FRMPD1: variants seen among roughly 807,000 people sequenced by gnomAD.
The protein encoded by FRMPD1 is FERM and PDZ domain-containing protein 1.
FRMPD1 carries 76 observed loss-of-function variants against 117.8 expected under a neutral mutation model. The ratio of observed to expected loss-of-function variants is 0.65; its 90% CI spans 0.54 to 0.78. The LOEUF (loss-of-function observed/expected upper bound fraction) is 0.78, where lower values mean the gene tolerates loss of function less well. Ranked by LOEUF, FRMPD1 falls within the 30% of genes least tolerant of loss-of-function variation. The probability of loss-of-function intolerance (pLI) is 0.00; values close to 1 mark genes in which losing one functional copy is unlikely to be tolerated. For synonymous variants in FRMPD1, 783 were observed against 770.4 expected (o/e 1.02, Z -0.27); for missense variants, 1,786 against 1,964.5 (o/e 0.91, Z 1.72).
the FRMPD1 span, among the ~76,000 whole-genome samples, chr9:37,610,384 C>T: frequency 6.6e-6 from 1 of 152,108 alleles, no homozygotes; most frequent in African/African-American, 2.4e-5. Context: ...TGTTGAATAA[C>T]TGAATAAATG....
rs762447717 is a variant in FRMPD1 at position 37,737,223 on chromosome 9, A to G, written c.1529A>G (p.His510Arg). ...TGGCCTGGAAACAAACAACAAGCGC[A>G]CCGGGTATCTGCAGAAGAAGGTGAG... ...FLWPGNKQQAHRVSAEEGYES... is the reference protein window; with the variant it reads ...FLWPGNKQQARRVSAEEGYES... Residue 510 changes from histidine (H) to arginine (R), a missense_variant, in exon 14 of 16, where the codon CAC becomes CGC. Coordinates refer to ENST00000377765, the MANE Select transcript of FRMPD1 (RefSeq NM_014907.3). 2 of 1,614,086 alleles carry G rather than the reference A, an allele frequency of 1.2e-6. No individual in the cohort carries two copies. Among genetic ancestry groups the G allele is most frequent in the Admixed American group, 1.7e-5 (1 of 60,014 alleles).
At position 37,729,867 on chromosome 9, in the gene FRMPD1, A is replaced by C; in HGVS notation, c.738+14A>C. 6.2e-7 allele frequency: 1 copy of C among 1,611,908 alleles called. No homozygotes were observed. Among genetic ancestry groups the C allele is most frequent in the Non-Finnish European group, 8.5e-7 (1 of 1,179,042 alleles). On this transcript the variant is annotated intron_variant, in intron 8 of 15. Coordinates refer to ENST00000377765, the MANE Select transcript of FRMPD1 (RefSeq NM_014907.3). The stretch of plus-strand genomic sequence containing the variant: ...CTCATCCAGCAGGTAGGGAGGACTG[A>C]CCGCCTGTTCCTGGGAGGCATGGGC...
At chr9:37,676,382 TG>T (rs1821528966) in intron 1 of FRMPD1, among the ~76,000 whole-genome samples, 1 of 152,090 alleles carries the variant, frequency 6.6e-6, no homozygotes. Flanking sequence ...ACTTTTAAAG[TG>T]GGGTGACTCA....
In FRMPD1 at chr9:37,746,109, A is replaced by G; in HGVS notation, c.4077A>G (p.Glu1359=). The change falls in exon 16 of 16, where the codon GAA becomes GAG. Residue 1359 remains glutamate (E), a synonymous_variant. Coordinates refer to ENST00000377765, the MANE Select transcript of FRMPD1 (RefSeq NM_014907.3). ...CAGAGGAAGAAGACAGGGACTTGGAAGCACACCCCATGGCCCCCCTCACCT... is the reference window on the plus strand; with the variant it reads ...CAGAGGAAGAAGACAGGGACTTGGAGGCACACCCCATGGCCCCCCTCACCT... The part of the protein sequence containing the change: ...PETEEEDRDL[E]AHPMAPLTSP... The G allele has an allele frequency of 6.2e-7, 1 of 1,614,194 alleles. No individual in the cohort carries two copies. Among genetic ancestry groups the G allele is most frequent in the Non-Finnish European group, 8.5e-7 (1 of 1,180,024 alleles).
intron 1 of FRMPD1, among the ~76,000 whole-genome samples, chr9:37,673,307 T>C (rs1821417555): frequency 6.6e-6 from 1 of 152,200 alleles, no homozygotes; most frequent in Non-Finnish European, 1.5e-5. Flanking sequence ...AGCTCCAAAA[T>C]GATCTCCTTT....
Position 37,740,027 on chromosome 9 carries a change from C to T in FRMPD1, c.1550-51C>T. On this transcript the variant is annotated intron_variant, in intron 14 of 15. Coordinates refer to ENST00000377765, the MANE Select transcript of FRMPD1 (RefSeq NM_014907.3). This position sits in a 1 kb window ranked among gnomAD's most constrained non-coding sequence, Gnocchi z 4.2. ...TGGGGGTCAGGGGGCTAGAAGGACA[C>T]ATAGGTAGGAGAATTCTGTTGTGTA... 2 of 1,346,810 alleles carry T rather than the reference C, an allele frequency of 1.5e-6. No individual in the cohort carries two copies. Among genetic ancestry groups the T allele is most frequent in the East Asian group, 2.3e-5 (1 of 43,534 alleles). The allele number at this position is 1,346,810 out of a possible 1,614,324, so 83.4% of individuals were successfully genotyped here.
At chr9:37,618,998 T>C in the FRMPD1 span, among the ~76,000 whole-genome samples, 1 of 152,226 alleles carries the variant, frequency 6.6e-6, no homozygotes, top group Non-Finnish European at 1.5e-5. Context: ...CTTTATCATT[T>C]TCCTCTCCCA....
intron 2 of FRMPD1, 84 bp downstream of exon 2, chr9:37,692,826 T>C: frequency 1.1e-6 from 1 of 949,442 alleles, no homozygotes; most frequent in East Asian, 2.4e-5. Context: ...GGCCGCACCT[T>C]GGGATTGCTG....
intron 9 of FRMPD1, 90 bp from the exon 10 acceptor site, chr9:37,732,214 C>G: frequency 7.2e-7 from 1 of 1,381,928 alleles, no homozygotes; most frequent in South Asian, 1.2e-5. Context: ...CAAAGCGGAG[C>G]TCCTGGTCCT....
At chr9:37,667,295 A>G (rs1404148016) in intron 1 of FRMPD1, among the ~76,000 whole-genome samples, 1 of 149,972 alleles carries the variant, frequency 6.7e-6, no homozygotes, top group Non-Finnish European at 1.5e-5. Context: ...AGAACTCCTG[A>G]CCTCAAGCGA....
chr9:37,681,694 G>A (rs1453023454), intron 1 of FRMPD1, among the ~76,000 whole-genome samples: 1 of 152,120 alleles, frequency 6.6e-6, no homozygotes, highest in Admixed American at 6.5e-5. Context: ...TTATTGTTCT[G>A]GGGTTCTCAT....
chr9:37,726,814 A>G lies in FRMPD1; in HGVS notation c.612+2494A>G, dbSNP rs577032268. Among the ~76,000 whole-genome samples the G allele has an allele frequency of 1.1e-4, 17 of 152,280 alleles. No homozygotes were observed. The South Asian group carries it at 2.1e-3, about 19-fold the overall frequency. ...AGATGAGATCTGGGGACAACTCACA[A>G]TGAAACGAGGTACCGGTGTGCTTAA... On this transcript the variant is annotated intron_variant, in intron 7 of 15. Coordinates refer to ENST00000377765, the MANE Select transcript of FRMPD1 (RefSeq NM_014907.3).
intron 7 of FRMPD1, among the ~76,000 whole-genome samples, chr9:37,729,521 A>G (rs1286300251): frequency 6.6e-6 from 1 of 151,510 alleles, no homozygotes; most frequent in African/African-American, 2.4e-5. Flanking sequence ...GGGTGGCTGT[A>G]TGGATGGTGA....
Position 37,720,461 on chromosome 9 carries a change from G to A in FRMPD1, c.516+1285G>A, listed in dbSNP as rs560771567. ...GGGCAGATCACAAGGTCAGAAGATCGAGACCATCCTGGCTAACATGGCGAA... is the reference window on the plus strand; with the variant it reads ...GGGCAGATCACAAGGTCAGAAGATCAAGACCATCCTGGCTAACATGGCGAA... On this transcript the variant is annotated intron_variant, in intron 6 of 15. Transcript: ENST00000377765. 5.9e-5 allele frequency among the ~76,000 whole-genome samples: 9 copies of A among 152,222 alleles called. No individual in the cohort carries two copies. In the South Asian group the frequency reaches 1.2e-3, roughly 21 times the overall value.
intron 1 of FRMPD1, among the ~76,000 whole-genome samples, chr9:37,667,062 C>CTTT (rs573955616): frequency 0.25 from 27,222 of 110,832 alleles, 4,261 homozygotes; most frequent in Middle Eastern, 0.3. Context: ...TTGAAGCATG[C>CTTT]TTTTTTTTTT....
At chr9:37,699,512 G>A (rs971240797) in intron 2 of FRMPD1, among the ~76,000 whole-genome samples, 1 of 150,482 alleles carries the variant, frequency 6.6e-6, no homozygotes, top group Non-Finnish European at 1.5e-5. Flanking sequence ...AAGATACGGG[G>A]TTTCACCATG....
chr9:37,715,570 C>A (rs1170800574), intron 5 of FRMPD1: 1 of 451,654 alleles, frequency 2.2e-6, no homozygotes, highest in African/African-American at 2.0e-5. Flanking sequence ...CTGAGGTCTG[C>A]TGCTTTGTGA....
At chr9:37,631,112 G>A in the FRMPD1 span, among the ~76,000 whole-genome samples, 3,613 of 152,256 alleles carry the variant, frequency 0.024, 164 homozygotes, top group African/African-American at 0.082. Context: ...AGTTGATGTC[G>A]CCTGGGTCTT....
At chr9:37,717,379 ATATTT>A (rs1204274539) in intron 5 of FRMPD1, among the ~76,000 whole-genome samples, 106 of 113,886 alleles carry the variant, frequency 9.3e-4, no homozygotes, top group Middle Eastern at 4.5e-3. Flanking sequence ...GTATATATAT[ATATTT>A]TTTTTTTTTT....
Sources: gnomAD v4.1 joint callset for allele counts (sites outside exome capture counted in the v4.1 genomes callset) on GRCh38, gnomAD v4.1.1 for gene constraint, Gnocchi (gnomAD v3.1) non-coding constraint, MANE v1.5 for transcripts, NCBI Gene and HGNC (gene_info 2026-07-23, HGNC 2026-07-21) for gene names.